TEX9: variants seen among roughly 807,000 people sequenced by gnomAD.
The protein encoded by TEX9 is testis-expressed protein 9.
In TEX9, 74 loss-of-function variants were observed where a neutral mutation model predicts 59.6. The ratio of observed to expected loss-of-function variants is 1.24; its 90% CI spans 1.03 to 1.51. TEX9 has a LOEUF of 1.51. Ranked by LOEUF, TEX9 falls within the 40% of genes most tolerant of loss-of-function variation. The probability of loss-of-function intolerance (pLI) is 0.00; values close to 1 mark genes in which losing one functional copy is unlikely to be tolerated. For synonymous variants in TEX9, 186 were observed against 152.2 expected (o/e 1.22, Z -1.64); for missense variants, 522 against 447.8 (o/e 1.17, Z -1.49).
At chr15:56,437,173 T>G (rs2050741220) in intron 12 of TEX9, among the ~76,000 whole-genome samples, 1 of 152,116 alleles carries the variant, frequency 6.6e-6, no homozygotes, top group Non-Finnish European at 1.5e-5. Context: ...AAAAGAGAAT[T>G]TAAGACCAAT....
At chr15:56,439,721 TCA>T (rs1464090738) in intron 12 of TEX9, among the ~76,000 whole-genome samples, 1 of 138,706 alleles carries the variant, frequency 7.2e-6, no homozygotes, top group Non-Finnish European at 1.6e-5. Flanking sequence ...TCAAAACAGA[TCA>T]CAGATTGAAA....
At chr15:56,281,755 A>G (rs1272555643) in intron 1 of TEX9, among the ~76,000 whole-genome samples, 1 of 152,190 alleles carries the variant, frequency 6.6e-6, no homozygotes, top group Non-Finnish European at 1.5e-5. Context: ...TGGTAATGAG[A>G]ATTGTTATAG....
intron 1 of TEX9, among the ~76,000 whole-genome samples, chr15:56,315,349 G>A (rs1306255118): frequency 6.8e-6 from 1 of 146,396 alleles, no homozygotes; most frequent in Non-Finnish European, 1.5e-5. Context: ...AGGCCTGGTG[G>A]TGACAAAATC....
At chr15:56,452,460 C>A in the TEX9 span, among the ~76,000 whole-genome samples, 1 of 152,052 alleles carries the variant, frequency 6.6e-6, no homozygotes, top group Non-Finnish European at 1.5e-5. Flanking sequence ...TACCAATATT[C>A]CAGACTCCCA....
At position 56,427,752 on chromosome 15, in the gene TEX9, T is replaced by G. The variant is rs1251040871; in HGVS notation, c.1098+13T>G. 1 of 1,439,300 alleles carries G rather than the reference T, an allele frequency of 6.9e-7. No homozygotes were observed. The highest frequency in any genetic ancestry group is 1.5e-5 in the African/African-American group (1 of 67,226). The allele number at this position is 1,439,300 out of a possible 1,614,324, so 89.2% of individuals were successfully genotyped here. On this transcript the variant is annotated intron_variant, in intron 11 of 12. Coordinates refer to ENST00000352903, the Ensembl canonical transcript of TEX9. ...AAAAAGGCAAAAGGTGAGTCTATCA[T>G]TAAAGTTAAATCATCATATTATTTG...
intron 1 of TEX9, among the ~76,000 whole-genome samples, chr15:56,326,666 C>G (rs1203839936): frequency 6.6e-6 from 1 of 152,086 alleles, no homozygotes; most frequent in African/African-American, 2.4e-5. Context: ...TGTTCGTAAG[C>G]CAGCTGTCAG....
intron 6 of TEX9, among the ~76,000 whole-genome samples, chr15:56,390,093 TAA>T (rs1289041642): frequency 2.6e-5 from 4 of 151,716 alleles, no homozygotes; most frequent in African/African-American, 9.7e-5. Context: ...TTTTTTTTTT[TAA>T]TAAAAGGGAT....
chr15:56,406,140 A>G (rs2049065285), intron 9 of TEX9, among the ~76,000 whole-genome samples: 1 of 152,160 alleles, frequency 6.6e-6, no homozygotes, highest in South Asian at 2.1e-4. Context: ...CCAGGCAGCC[A>G]CTGAGCTATA....
At chr15:56,418,019 C>G (rs2049783135) in intron 10 of TEX9, among the ~76,000 whole-genome samples, 1 of 151,582 alleles carries the variant, frequency 6.6e-6, no homozygotes, top group Non-Finnish European at 1.5e-5. Flanking sequence ...TTTCTGTTTT[C>G]TATTTCCTGG....
downstream of TEX9, chr15:56,445,879 C>G (rs1171010061): frequency 2.0e-5 from 3 of 152,036 alleles, no homozygotes; most frequent in African/African-American, 2.4e-5. Context: ...ACTGGACAAA[C>G]AGGACATTGT....
intron 12 of TEX9, chr15:56,429,691 T>C (rs1372784442): frequency 1.3e-5 from 2 of 152,272 alleles, no homozygotes; most frequent in Non-Finnish European, 2.9e-5. Context: ...TTCACTGTTC[T>C]ATTTTTCTTT....
chr15:56,285,103 C>T lies in TEX9; in HGVS notation c.-107+40825C>T, dbSNP rs777366091. 5.3e-5 allele frequency among the ~76,000 whole-genome samples: 8 copies of T among 152,016 alleles called. No homozygotes were observed. The South Asian group carries it at 1.5e-3, about 28-fold the overall frequency. ...ATATTCACTTTTTTTGCTCTTTATG[C>T]CTTTCGTATCTCACACCTTCTATGA... On this transcript the variant is annotated intron_variant, in intron 1 of 5. Transcript: ENST00000560827.
chr15:56,388,865 G>A (rs1324403974), intron 5 of TEX9, among the ~76,000 whole-genome samples: 1 of 151,950 alleles, frequency 6.6e-6, no homozygotes, highest in Non-Finnish European at 1.5e-5. Flanking sequence ...TGAAAAGTTT[G>A]TTTGTTCATT....
chr15:56,261,688 G>C (rs1049472451), intron 1 of TEX9, among the ~76,000 whole-genome samples: 1 of 152,094 alleles, frequency 6.6e-6, no homozygotes, highest in Non-Finnish European at 1.5e-5. Context: ...TTGCACTCCA[G>C]CCTGGGCAAT....
intron 1 of TEX9, among the ~76,000 whole-genome samples, chr15:56,345,216 G>A (rs2046448535): frequency 6.6e-6 from 1 of 151,750 alleles, no homozygotes; most frequent in Admixed American, 6.6e-5. Flanking sequence ...TAGAAATTGG[G>A]GGTGGGGAAA....
At chr15:56,404,180 C>T (rs1320459868) in intron 9 of TEX9, among the ~76,000 whole-genome samples, 2 of 152,106 alleles carry the variant, frequency 1.3e-5, no homozygotes, top group South Asian at 2.1e-4. Flanking sequence ...AAGAAACTAC[C>T]ATCAGAGTGA....
chr15:56,264,117 G>A (rs569245913), intron 1 of TEX9, among the ~76,000 whole-genome samples: 2 of 152,250 alleles, frequency 1.3e-5, no homozygotes, highest in Admixed American at 6.5e-5. Flanking sequence ...TTGAGTTGCT[G>A]TGCCATGTAA....
chr15:56,271,472 C>A (rs1243801761), intron 1 of TEX9, among the ~76,000 whole-genome samples: 1 of 152,046 alleles, frequency 6.6e-6, no homozygotes. Flanking sequence ...TCGTGCCATG[C>A]TTTTCCTCTC....
At chr15:56,378,459 T>C (rs781748289) in intron 3 of TEX9, among the ~76,000 whole-genome samples, 1 of 152,200 alleles carries the variant, frequency 6.6e-6, no homozygotes, top group Non-Finnish European at 1.5e-5. Flanking sequence ...GTTGTATGTA[T>C]GTGTCTAGGA....
Sources: gnomAD v4.1 joint callset for allele counts (sites outside exome capture counted in the v4.1 genomes callset) on GRCh38, gnomAD v4.1.1 for gene constraint, MANE v1.5 for transcripts, NCBI Gene and HGNC (gene_info 2026-07-23, HGNC 2026-07-21) for gene names.